The following DST variants were observed in gnomAD, a reference collection of about 807,000 sequenced individuals.
The protein encoded by DST is bullous pemphigoid antigen.
Under a neutral mutation model 875.2 loss-of-function variants are expected in DST, and 253 were observed. That is an observed-to-expected ratio of 0.29 (90% CI 0.26 to 0.32). The LOEUF is 0.32. DST is among the 10% of genes least tolerant of loss of function. The pLI is 1.00. For synonymous variants in DST, 3,124 were observed against 3,197.1 expected (o/e 0.98, Z 0.77); for missense variants, 8,287 against 9,111.6 (o/e 0.91, Z 3.68).
intron 55 of DST, among the ~76,000 whole-genome samples, chr6:56,562,436 A>T (rs1458812920): frequency 6.6e-6 from 1 of 151,822 alleles, no homozygotes; most frequent in Non-Finnish European, 1.5e-5. Flanking sequence ...ATATTATATA[A>T]ATTAATCATT....
chr6:56,889,740 A>G (rs569800399), intron 3 of DST, among the ~76,000 whole-genome samples: 1 of 152,250 alleles, frequency 6.6e-6, no homozygotes, highest in South Asian at 2.1e-4. Flanking sequence ...CCAATCTCAA[A>G]CACATAAATA....
intron 61 of DST, among the ~76,000 whole-genome samples, chr6:56,547,756 T>C (rs4143828): frequency 0.79 from 120,473 of 152,142 alleles, 48,265 homozygotes; most frequent in African/African-American, 0.91. Context: ...TTCCTTAGCC[T>C]CATGCTACTT....
chr6:56,877,979 T>C (rs575714751), intron 3 of DST, among the ~76,000 whole-genome samples: 3 of 152,302 alleles, frequency 2.0e-5, no homozygotes, highest in African/African-American at 7.2e-5. Context: ...ACCAGTGTGA[T>C]GTGAACTGAA....
chr6:56,746,769 A>G (rs888197730), intron 4 of DST, among the ~76,000 whole-genome samples: 6 of 152,180 alleles, frequency 3.9e-5, no homozygotes, highest in African/African-American at 7.2e-5. Context: ...TGAGGGAAAA[A>G]TGTGTTTCAG....
intron 102 of DST, 21 bp from the exon 103 acceptor site, chr6:56,460,275 G>A: frequency 2.5e-6 from 4 of 1,613,612 alleles, no homozygotes; most frequent in Non-Finnish European, 3.4e-6. Flanking sequence ...CCAGCAACAA[G>A]ACATTTCAAA....
At chr6:56,762,884 CTT>C (rs2099620838) in intron 4 of DST, among the ~76,000 whole-genome samples, 1 of 119,262 alleles carries the variant, frequency 8.4e-6, no homozygotes, top group Non-Finnish European at 1.6e-5. Flanking sequence ...GAGTTTCACT[CTT>C]GTTGCCCAGG....
intron 97 of DST, among the ~76,000 whole-genome samples, 159 bp from the exon 98 acceptor site, chr6:56,469,158 T>C (rs1407595171): frequency 6.6e-6 from 1 of 152,142 alleles, no homozygotes; most frequent in Non-Finnish European, 1.5e-5. Flanking sequence ...TCAAACCAAA[T>C]AATCAGACTA....
intron 4 of DST, among the ~76,000 whole-genome samples, chr6:56,838,608 G>A (rs2099796430): frequency 6.6e-6 from 1 of 150,982 alleles, no homozygotes; most frequent in Middle Eastern, 3.2e-3. Context: ...TCTTTTTAAA[G>A]TCTCTGGGCT....
chr6:56,573,449 T>C (rs1168437435), intron 51 of DST, among the ~76,000 whole-genome samples: 1 of 152,190 alleles, frequency 6.6e-6, no homozygotes, highest in Non-Finnish European at 1.5e-5. Flanking sequence ...GCATAAGCCC[T>C]CTATAATGAA....
intron 49 of DST, among the ~76,000 whole-genome samples, chr6:56,584,652 G>A (rs1234169958): frequency 5.9e-5 from 9 of 151,928 alleles, no homozygotes; most frequent in South Asian, 2.1e-4. Context: ...TGGTGAGAGA[G>A]GGCATCCCTG....
At chr6:56,917,311 A>G (rs1002809257) in intron 2 of DST, among the ~76,000 whole-genome samples, 1 of 152,246 alleles carries the variant, frequency 6.6e-6, no homozygotes, top group Non-Finnish European at 1.5e-5. Flanking sequence ...TATGCTGAGT[A>G]AAGACAGAGA....
At position 56,619,158 on chromosome 6, in the gene DST, G is replaced by A. The variant is rs138869481; in HGVS notation, c.4930-4674C>T. 7.1e-5 allele frequency: 115 copies of A among 1,613,900 alleles called. No homozygotes were observed. The African/African-American group carries it at 1.1e-3, about 16-fold the overall frequency. ...TTATGCAAGTGTTCATTTGTGCTGC[G>A]TAGCTGATCTTTAAAACCATCTGCC... is the stretch of plus-strand genomic sequence containing the variant. On this transcript the variant is annotated intron_variant, in intron 36 of 103. Transcript: ENST00000680361.
In DST at chr6:56,517,178, G is replaced by A. The variant is rs1211865605; in HGVS notation, c.18357+20C>T. The A allele has an allele frequency of 1.9e-6, 3 of 1,565,200 alleles. No homozygotes were observed. In the Admixed American group the frequency reaches 5.0e-5, roughly 26 times the overall value. ...TGTTTTTTCAAGAGTCCCACTACCA[G>A]TCCACAGACAAGATTATACCTTCAT... On this transcript the variant is annotated intron_variant, in intron 71 of 103. Coordinates refer to ENST00000680361, the MANE Select transcript of DST (RefSeq NM_001374736.1).
chr6:56,490,398 A>G (rs2095696938), intron 85 of DST, among the ~76,000 whole-genome samples: 1 of 152,198 alleles, frequency 6.6e-6, no homozygotes, highest in Admixed American at 6.5e-5. Flanking sequence ...ATTTGTCACA[A>G]TAAGCTTAAG....
intron 9 of DST, among the ~76,000 whole-genome samples, chr6:56,684,326 A>G (rs1331360517): frequency 6.6e-6 from 1 of 152,256 alleles, no homozygotes; most frequent in East Asian, 1.9e-4. Flanking sequence ...TTTTTAAATA[A>G]CTGTATAATT....
At chr6:56,517,948 C>T (rs1274155697) in intron 69 of DST, among the ~76,000 whole-genome samples, 1 of 152,094 alleles carries the variant, frequency 6.6e-6, no homozygotes, top group Non-Finnish European at 1.5e-5. Context: ...GTTATGAAAG[C>T]CAACAGCCAG....
At chr6:56,575,260 T>G (rs576135956) in intron 50 of DST, among the ~76,000 whole-genome samples, 27 of 152,314 alleles carry the variant, frequency 1.8e-4, no homozygotes, top group African/African-American at 6.0e-4. Flanking sequence ...TTGGAGACTA[T>G]GCTCATTACT....
At chr6:56,928,787 A>G (rs1295034679) in intron 2 of DST, among the ~76,000 whole-genome samples, 1 of 152,144 alleles carries the variant, frequency 6.6e-6, no homozygotes, top group Admixed American at 6.5e-5. Flanking sequence ...AGAAACTACA[A>G]ACGGAAGACA....
In DST at chr6:56,578,779, C is replaced by T. The variant is rs2097914193; in HGVS notation, c.13027+35G>A. 4.4e-6 allele frequency: 7 copies of T among 1,606,686 alleles called. No homozygotes were observed. The East Asian group carries it at 1.3e-4, about 31-fold the overall frequency. On this transcript the variant is annotated intron_variant, in intron 50 of 103. Transcript: ENST00000680361. ...TAGGACACCTTTCTTTAGAATTTAC[C>T]TGTGAGACAGGAAGCAAGGACATGA...
Sources: allele counts gnomAD v4.1 joint callset (sites outside exome capture counted in the v4.1 genomes callset), GRCh38; gene constraint gnomAD v4.1.1; transcripts MANE v1.5; gene names NCBI Gene and HGNC (gene_info 2026-07-23, HGNC 2026-07-21).